Variants in PDCL3 observed in about 807,000 individuals in gnomAD.
PDCL3 encodes phosducin-like protein 3.
A neutral mutation model predicts 26.5 loss-of-function variants in PDCL3; 22 were observed. The ratio of observed to expected loss-of-function variants is 0.83; its 90% CI spans 0.59 to 1.19. The LOEUF (loss-of-function observed/expected upper bound fraction) is 1.19, where lower values mean the gene tolerates loss of function less well. Ranked by LOEUF, PDCL3 falls within the 50% of genes most tolerant of loss-of-function variation. The pLI is 0.00. For missense variants in PDCL3, 246 were observed against 294.1 expected, an observed-to-expected ratio of 0.84 and a Z score of 1.20; for synonymous variants, 81 against 104.9, an observed-to-expected ratio of 0.77 and a Z score of 1.39.
chr2:100,563,039 C>G lies in PDCL3; in HGVS notation c.-29C>G. 3 of 1,597,880 alleles carry G rather than the reference C, an allele frequency of 1.9e-6. No homozygotes were observed. Among genetic ancestry groups the G allele is most frequent in the Non-Finnish European group, 2.6e-6 (3 of 1,172,756 alleles). ...GAGGGGCGGGGGCGCTGCGGCACAGCTGGTTTGAGCAACTGAACTGGAAAC... is the reference window on the plus strand; with the variant it reads ...GAGGGGCGGGGGCGCTGCGGCACAGGTGGTTTGAGCAACTGAACTGGAAAC... On this transcript the variant is annotated 5_prime_UTR_variant, in exon 1 of 6. Coordinates refer to ENST00000264254, the MANE Select transcript of PDCL3 (RefSeq NM_024065.5).
intron 5 of PDCL3, among the ~76,000 whole-genome samples, chr2:100,575,309 G>T (rs144612111): frequency 9.9e-5 from 15 of 152,038 alleles, no homozygotes; most frequent in Non-Finnish European, 2.2e-4. Flanking sequence ...CTAATTTTTT[G>T]TATTTTTAGT....
At chr2:100,565,856 A>G (rs887498597) in intron 1 of PDCL3, among the ~76,000 whole-genome samples, 7 of 152,144 alleles carry the variant, frequency 4.6e-5, no homozygotes, top group African/African-American at 1.7e-4. Context: ...AATAATTTAC[A>G]TGTGGTAGAT....
rs182065960 is a variant in PDCL3 at position 100,564,238 on chromosome 2, G to A, written c.6+1165G>A. ...CTCCTTTGCATTCCCTGTCCTTCAG[G>A]TCCCTTGAGGCCTTCCCTGACCACC... On this transcript the variant is annotated intron_variant, in intron 1 of 5. Transcript: ENST00000264254. Among the ~76,000 whole-genome samples the A allele has an allele frequency of 3.5e-3, 538 of 151,814 alleles. 4 individuals carry two copies. Among genetic ancestry groups the A allele is most frequent in the African/African-American group, 0.012 (481 of 41,390 alleles).
intron 2 of PDCL3, 139 bp downstream of exon 2, chr2:100,566,768 GTC>G: frequency 8.0e-7 from 1 of 1,251,830 alleles, no homozygotes; most frequent in Non-Finnish European, 1.1e-6. Flanking sequence ...AACACAGGGC[GTC>G]TCTCACCTTC....
intron 5 of PDCL3, among the ~76,000 whole-genome samples, chr2:100,575,591 C>T (rs1675272111): frequency 6.6e-6 from 1 of 152,172 alleles, no homozygotes; most frequent in South Asian, 2.1e-4. Flanking sequence ...GATTTTGCTT[C>T]ACTTGGTCTC....
chr2:100,565,407 TG>T (rs1332213989), intron 1 of PDCL3, among the ~76,000 whole-genome samples: 2 of 151,846 alleles, frequency 1.3e-5, no homozygotes, highest in Admixed American at 1.3e-4. Flanking sequence ...CCCGAGTAGC[TG>T]GGACTACAGG....
At chr2:100,565,249 G>A (rs1350004726) in intron 1 of PDCL3, among the ~76,000 whole-genome samples, 3 of 151,132 alleles carry the variant, frequency 2.0e-5, no homozygotes, top group African/African-American at 4.9e-5. Context: ...AATTACAGGC[G>A]TGAGCCACTC....
rs777841375 is a variant in PDCL3 at position 100,576,492 on chromosome 2, A to G, written c.716A>G (p.Asp239Gly). The change falls in exon 6 of 6, where the codon GAC becomes GGC. Residue 239 changes from aspartate to glycine, a missense_variant. By Grantham distance (94) the Asp-to-Gly change is moderately conservative. Coordinates refer to ENST00000264254, the MANE Select transcript of PDCL3 (RefSeq NM_024065.5). ...AAGAGGGACAGCGATTCCGAGGGTG[A>G]CTGAGGCTACAGCTTCTATCACATG... The part of the protein sequence containing the change: ...LMKRDSDSEG[D>G] 1.2e-6 allele frequency: 2 copies of G among 1,602,512 alleles called. No individual in the cohort carries two copies. The highest frequency in any genetic ancestry group is 1.7e-5 in the Admixed American group (1 of 58,500).
rs1329031492 is a variant in PDCL3, at chr2:100,563,072, A to G, written c.5A>G (p.Gln2Arg). 1 of 1,604,530 alleles carries G rather than the reference A, an allele frequency of 6.2e-7. No homozygotes were observed. The highest frequency in any genetic ancestry group is 1.7e-5 in the Admixed American group (1 of 58,620). M[Q>R]DPNADTEWND... ...AGCAACTGAACTGGAAACAAGATGC[A>G]GGTGAGCTAGGACGGGTCTCGGGTC... The change falls in exon 1 of 6, where the codon CAG (glutamine) becomes CGG (arginine). Residue 2 changes from glutamine to arginine, a missense_variant and splice_region_variant. Gln to Arg is a conservative substitution (Grantham distance 43). Coordinates refer to ENST00000264254, the MANE Select transcript of PDCL3 (RefSeq NM_024065.5).
intron 5 of PDCL3, among the ~76,000 whole-genome samples, chr2:100,573,871 T>C (rs183087453): frequency 7.9e-5 from 12 of 152,280 alleles, no homozygotes; most frequent in African/African-American, 2.2e-4. Context: ...GCAATTGTTT[T>C]TATTTCTAAA....
At chr2:100,573,928 G>A (rs983137798) in intron 5 of PDCL3, among the ~76,000 whole-genome samples, 1 of 152,126 alleles carries the variant, frequency 6.6e-6, no homozygotes, top group African/African-American at 2.4e-5. Context: ...ATTGCTTTGT[G>A]TAAGTGAACA....
chr2:100,573,120 T>A (rs186264179), intron 5 of PDCL3, among the ~76,000 whole-genome samples: 140 of 151,326 alleles, frequency 9.3e-4, no homozygotes, highest in Non-Finnish European at 1.8e-3. Flanking sequence ...CCTGACCTCG[T>A]GATCTGCCCG....
chr2:100,565,464 C>CG (rs1278173054), intron 1 of PDCL3, among the ~76,000 whole-genome samples: 2 of 151,596 alleles, frequency 1.3e-5, no homozygotes, highest in Non-Finnish European at 2.9e-5. Flanking sequence ...TTAGTAAAGA[C>CG]GGGGTTTCAT....
chr2:100,572,811 G>C (rs1052431429), intron 5 of PDCL3, among the ~76,000 whole-genome samples: 1 of 152,060 alleles, frequency 6.6e-6, no homozygotes, highest in African/African-American at 2.4e-5. Context: ...GAGCCACTGC[G>C]CCTGGCCAGC....
chr2:100,575,230 C>T (rs538519623), intron 5 of PDCL3, among the ~76,000 whole-genome samples: 2 of 152,134 alleles, frequency 1.3e-5, no homozygotes, highest in African/African-American at 2.4e-5. Context: ...CCGCCTCCCA[C>T]GTTCACACCA....
chr2:100,567,574 A>G (rs1171161928), intron 2 of PDCL3, among the ~76,000 whole-genome samples: 1 of 152,084 alleles, frequency 6.6e-6, no homozygotes, highest in African/African-American at 2.4e-5. Flanking sequence ...ACACATTTGA[A>G]TAGACCTGAG....
In PDCL3 at chr2:100,563,632, T is replaced by TA. The variant is rs1178235283; in HGVS notation, c.6+559_6+560insA. 2.0e-5 allele frequency: 3 copies of TA among 151,822 alleles called. No individual in the cohort carries two copies. The East Asian group carries it at 5.8e-4, about 29-fold the overall frequency. 9.4% of individuals were successfully genotyped at this position (151,822 alleles called of 1,614,324 possible). ...TCCCTCTGTTTCGTCCTTTTTTTTTTTTTTATTAAAATAGGTAAAATAAAT... is the reference window on the plus strand; with the variant it reads ...TCCCTCTGTTTCGTCCTTTTTTTTTTATTTTATTAAAATAGGTAAAATAAAT... On this transcript the variant is annotated intron_variant, in intron 1 of 5. Transcript: ENST00000264254.
chr2:100,571,159 G>GTGA (rs34285257), intron 4 of PDCL3, among the ~76,000 whole-genome samples: 1 of 147,992 alleles, frequency 6.8e-6, no homozygotes, highest in East Asian at 2.0e-4. Context: ...GTGTGTGCCT[G>GTGA]TAATCACACC....
At chr2:100,569,059 GTTGT>G (rs764582794) in intron 3 of PDCL3, 38 bp downstream of exon 3, 4 of 1,564,792 alleles carry the variant, frequency 2.6e-6, no homozygotes, top group South Asian at 2.3e-5. Context: ...TTTTTTTGTT[GTTGT>G]TTGTTTTGTT....
Sources: allele counts gnomAD v4.1 joint callset (sites outside exome capture counted in the v4.1 genomes callset), GRCh38; gene constraint gnomAD v4.1.1; transcripts MANE v1.5; gene names NCBI Gene and HGNC (gene_info 2026-07-23, HGNC 2026-07-21).